ITK: variants seen among roughly 807,000 people sequenced by gnomAD.
The protein encoded by ITK is IL2 inducible T cell kinase.
A neutral mutation model predicts 87.6 loss-of-function variants in ITK; 45 were observed. The observed-to-expected ratio is 0.51, with a 90% CI of 0.40 to 0.66. ITK has a LOEUF of 0.66. Among genes scored for constraint, ITK ranks in the 30% least tolerant of loss-of-function variants. The pLI is 0.00. For missense variants in ITK, 605 were observed against 766.3 expected (o/e 0.79, Z 2.48); for synonymous variants, 303 against 273.6 (o/e 1.11, Z -1.06).
chr5:157,227,001 C>T (rs1580896683), intron 6 of ITK, among the ~76,000 whole-genome samples: 1 of 152,012 alleles, frequency 6.6e-6, no homozygotes. Context: ...TATATATTTT[C>T]TAGAGACAGG....
intron 1 of ITK, among the ~76,000 whole-genome samples, chr5:157,189,804 G>A (rs73814026): frequency 0.019 from 2,889 of 152,268 alleles, 89 homozygotes; most frequent in African/African-American, 0.067. Flanking sequence ...AAAGCTCTTC[G>A]CAAATGTTCA....
chr5:157,228,438 CTG>C, intron 7 of ITK, 77 bp downstream of exon 7: 1 of 873,218 alleles, frequency 1.1e-6, no homozygotes, highest in Non-Finnish European at 1.9e-6. Context: ...TATTGGTTGA[CTG>C]TAAAAATACC....
intron 5 of ITK, among the ~76,000 whole-genome samples, chr5:157,220,437 A>G (rs1754391824): frequency 1.3e-5 from 2 of 152,112 alleles, no homozygotes; most frequent in Non-Finnish European, 2.9e-5. Flanking sequence ...ATGTGTCTGC[A>G]TGTGTCCTTT....
intron 1 of ITK, chr5:157,199,394 ATGT>A (rs1561649437): frequency 1.3e-5 from 2 of 152,206 alleles, no homozygotes; most frequent in African/African-American, 4.8e-5. Context: ...AAAAGAGCCA[ATGT>A]TGTTGGAGCA....
intron 5 of ITK, 130 bp from the exon 6 acceptor site, chr5:157,222,733 G>T (rs908298846): frequency 3.7e-6 from 3 of 819,194 alleles, no homozygotes; most frequent in Admixed American, 4.0e-5. Context: ...CATGTTCAGC[G>T]CTGTAACTCT....
At chr5:157,198,499 G>A (rs1753895144) in intron 1 of ITK, among the ~76,000 whole-genome samples, 1 of 152,160 alleles carries the variant, frequency 6.6e-6, no homozygotes, top group African/African-American at 2.4e-5. Flanking sequence ...GGCCAGTGAT[G>A]AGTAAGAGGT....
At chr5:157,232,434 G>T (rs746165054) in intron 8 of ITK, 40 bp downstream of exon 8, 2 of 1,400,560 alleles carry the variant, frequency 1.4e-6, no homozygotes, top group African/African-American at 1.4e-5. Context: ...AAAATAAAAT[G>T]AATTAAGTGC....
intron 1 of ITK, among the ~76,000 whole-genome samples, chr5:157,185,962 C>A (rs1337505847): frequency 6.6e-6 from 1 of 152,182 alleles, no homozygotes; most frequent in African/African-American, 2.4e-5. Flanking sequence ...TACTACATGT[C>A]CAACACTGTG....
intron 1 of ITK, among the ~76,000 whole-genome samples, chr5:157,203,236 C>A (rs145594808): frequency 1.2e-3 from 183 of 152,338 alleles, no homozygotes; most frequent in African/African-American, 4.3e-3. Context: ...TTCATCAGTT[C>A]ATTTCCTGAA....
chr5:157,207,373 G>C (rs1041102529), intron 1 of ITK, among the ~76,000 whole-genome samples: 11 of 101,644 alleles, frequency 1.1e-4, no homozygotes, highest in Non-Finnish European at 1.7e-4. Context: ...ATCTAGATAC[G>C]TCTCTTTTTT....
chr5:157,237,230 G>T (rs1429869840), intron 8 of ITK, among the ~76,000 whole-genome samples: 1 of 152,176 alleles, frequency 6.6e-6, no homozygotes, highest in East Asian at 1.9e-4. Flanking sequence ...GAACAAAATT[G>T]TGCATTCTGC....
Position 157,243,794 on chromosome 5 carries a change from T to C in ITK, c.1232T>C (p.Met411Thr), listed in dbSNP as rs1244964821. 1.9e-6 allele frequency: 3 copies of C among 1,613,674 alleles called. No individual in the cohort carries two copies. Among genetic ancestry groups the C allele is most frequent in the African/African-American group, 1.3e-5 (1 of 74,904 alleles). ...EDFIEEAEVM[M>T]KLSHPKLVQL... is the part of the protein sequence containing the mutation. Reference sequence around the variant, plus strand: ...TTCATAGAGGAGGCTGAAGTAATGATGTGAGTGCTCAGAACAAGGATATGC... The same window carrying C: ...TTCATAGAGGAGGCTGAAGTAATGACGTGAGTGCTCAGAACAAGGATATGC... Residue 411 changes from methionine (M) to threonine (T), a missense_variant and splice_region_variant, in exon 12 of 17, where the codon ATG becomes ACG. Physicochemically the swap from Met to Thr is moderately conservative, Grantham distance 81. Coordinates refer to ENST00000422843, the MANE Select transcript of ITK (RefSeq NM_005546.4).
chr5:157,215,162 G>A (rs1432935819), intron 4 of ITK, among the ~76,000 whole-genome samples: 2 of 152,144 alleles, frequency 1.3e-5, no homozygotes, highest in Non-Finnish European at 2.9e-5. Context: ...AGTATGCTCC[G>A]GGTCACACCG....
At chr5:157,192,897 T>C (rs1176365322) in intron 1 of ITK, among the ~76,000 whole-genome samples, 4 of 152,188 alleles carry the variant, frequency 2.6e-5, no homozygotes, top group Non-Finnish European at 5.9e-5. Context: ...ATTATAAAGT[T>C]GGACTGAATG....
intron 9 of ITK, among the ~76,000 whole-genome samples, chr5:157,238,607 A>G (rs555668960): frequency 6.6e-6 from 1 of 152,322 alleles, no homozygotes; most frequent in Non-Finnish European, 1.5e-5. Flanking sequence ...GCCAGAAAAT[A>G]TGCAGACCAT....
chr5:157,235,791 G>A (rs1206466189), intron 8 of ITK, among the ~76,000 whole-genome samples: 2 of 152,206 alleles, frequency 1.3e-5, no homozygotes, highest in Non-Finnish European at 2.9e-5. Flanking sequence ...CCTGTGTGTT[G>A]AGATTATCTT....
rs748333897 is a variant in ITK, at chr5:157,244,270, C to G, written c.1241C>G (p.Ser414Cys). The stretch of plus-strand genomic sequence containing the variant: ...TTGTCTTTTTCCTCCAGGAAACTCT[C>G]TCATCCCAAACTGGTGCAGCTGTAT... ...IEEAEVMMKL[S>C]HPKLVQLYGV... is the part of the protein sequence containing the mutation. The change falls in exon 13 of 17, where the codon TCT becomes TGT. Residue 414 changes from serine to cysteine, a missense_variant. Coordinates refer to ENST00000422843, the MANE Select transcript of ITK (RefSeq NM_005546.4). The G allele has an allele frequency of 1.9e-6, 3 of 1,614,160 alleles. No individual in the cohort carries two copies. The highest frequency in any genetic ancestry group is 1.7e-6 in the Non-Finnish European group (2 of 1,179,976).
chr5:157,194,412 C>G (rs1240863538), intron 1 of ITK, among the ~76,000 whole-genome samples: 1 of 152,136 alleles, frequency 6.6e-6, no homozygotes, highest in African/African-American at 2.4e-5. Flanking sequence ...TCCAGATTAA[C>G]AACTAATAGC....
Position 157,240,209 on chromosome 5 carries a change from C to G in ITK, c.985+14C>G. ...ATAATGGAGGAGGTAAGCTCTAGAG[C>G]AGGGGTGGACCCGGGCCGCCCAGCA... On this transcript the variant is annotated intron_variant, in intron 10 of 16. Coordinates refer to ENST00000422843, the MANE Select transcript of ITK (RefSeq NM_005546.4). 1 of 1,613,906 alleles carries G rather than the reference C, an allele frequency of 6.2e-7. No homozygotes were observed. Among genetic ancestry groups the G allele is most frequent in the Non-Finnish European group, 8.5e-7 (1 of 1,179,830 alleles).
Sources: allele counts gnomAD v4.1 joint callset (sites outside exome capture counted in the v4.1 genomes callset), GRCh38; gene constraint gnomAD v4.1.1; transcripts MANE v1.5; gene names NCBI Gene and HGNC (gene_info 2026-07-23, HGNC 2026-07-21).